The following AUH variants were observed in gnomAD, a reference collection of about 807,000 sequenced individuals.
AUH encodes the protein methylglutaconyl-CoA hydratase, mitochondrial.
In AUH, 29 loss-of-function variants were observed where a neutral mutation model predicts 42.3. The ratio of observed to expected loss-of-function variants is 0.69; its 90% CI spans 0.51 to 0.93. The LOEUF is 0.93. Among genes scored for constraint, AUH ranks in the 40% least tolerant of loss-of-function variants. AUH has a pLI of 0.00. For synonymous variants in AUH, 174 were observed against 166.4 expected (o/e 1.05, Z -0.35); for missense variants, 452 against 438.1 (o/e 1.03, Z -0.28).
intron 3 of AUH, among the ~76,000 whole-genome samples, chr9:91,355,622 A>C (rs1321674762): frequency 6.6e-6 from 1 of 152,174 alleles, no homozygotes. Flanking sequence ...ATTGTACTAC[A>C]TGTACTACAG....
chr9:91,319,743 G>T (rs1261507642), intron 4 of AUH, among the ~76,000 whole-genome samples: 2 of 152,212 alleles, frequency 1.3e-5, no homozygotes, highest in Admixed American at 6.5e-5. Context: ...GGGCTGGCAG[G>T]CCACTGCGCA....
At chr9:91,247,514 C>G (rs2131369421) in intron 6 of AUH, among the ~76,000 whole-genome samples, 2 of 152,302 alleles carry the variant, frequency 1.3e-5, no homozygotes, top group Admixed American at 1.3e-4. Context: ...CTCCCTGACA[C>G]ATGGGGCTCT....
intron 6 of AUH, among the ~76,000 whole-genome samples, chr9:91,254,926 A>G (rs1263838269): frequency 6.6e-6 from 1 of 152,194 alleles, no homozygotes; most frequent in East Asian, 1.9e-4. Flanking sequence ...AAACTAAGAG[A>G]CAATGGAATA....
At chr9:91,293,583 C>A (rs530957713) in intron 6 of AUH, among the ~76,000 whole-genome samples, 5 of 152,136 alleles carry the variant, frequency 3.3e-5, no homozygotes, top group African/African-American at 1.2e-4. Context: ...AAGTCTGAGA[C>A]AAGTGAAGAA....
intron 1 of AUH, among the ~76,000 whole-genome samples, chr9:91,359,214 C>A (rs1404693532): frequency 6.6e-6 from 1 of 152,166 alleles, no homozygotes; most frequent in African/African-American, 2.4e-5. Context: ...AAACAAAATA[C>A]GTTCTGCTTA....
At chr9:91,258,005 T>C (rs1268882762) in intron 6 of AUH, among the ~76,000 whole-genome samples, 4 of 152,250 alleles carry the variant, frequency 2.6e-5, no homozygotes, top group Non-Finnish European at 4.4e-5. Flanking sequence ...TCATGGTTTT[T>C]AATGCTATTG....
intron 1 of AUH, among the ~76,000 whole-genome samples, chr9:91,356,404 T>C (rs1024538615): frequency 4.6e-5 from 7 of 152,236 alleles, no homozygotes; most frequent in African/African-American, 1.7e-4. Flanking sequence ...AAGGATACTA[T>C]TTAAAATGTG....
At chr9:91,222,782 T>C (rs1210690131) in intron 6 of AUH, among the ~76,000 whole-genome samples, 1 of 152,210 alleles carries the variant, frequency 6.6e-6, no homozygotes. Flanking sequence ...AATGAATATA[T>C]ATTATTCATG....
intron 6 of AUH, among the ~76,000 whole-genome samples, chr9:91,252,060 C>T (rs946272276): frequency 3.3e-5 from 5 of 152,032 alleles, no homozygotes; most frequent in Admixed American, 2.0e-4. Context: ...TCCACCTCCC[C>T]GGTTCAAGTG....
At chr9:91,288,701 C>A (rs550274146) in intron 6 of AUH, among the ~76,000 whole-genome samples, 1 of 152,148 alleles carries the variant, frequency 6.6e-6, no homozygotes, top group South Asian at 2.1e-4. Context: ...TAAGGAGGTT[C>A]GATTTTGTTT....
intron 9 of AUH, 70 bp from the exon 10 acceptor site, chr9:91,214,495 TAAGAA>T: frequency 7.8e-7 from 1 of 1,287,306 alleles, no homozygotes. Context: ...AAGCACTATC[TAAGAA>T]AACTACTTAG....
At chr9:91,268,723 C>T (rs1291764274) in intron 6 of AUH, among the ~76,000 whole-genome samples, 1 of 152,180 alleles carries the variant, frequency 6.6e-6, no homozygotes, top group Non-Finnish European at 1.5e-5. Flanking sequence ...AGCCACCACG[C>T]CCGGCCCATA....
At chr9:91,282,160 T>C (rs1262614971) in intron 6 of AUH, among the ~76,000 whole-genome samples, 3 of 152,128 alleles carry the variant, frequency 2.0e-5, no homozygotes, top group Non-Finnish European at 4.4e-5. Context: ...CACACTCCCA[T>C]CTAAGGCCTC....
intron 6 of AUH, among the ~76,000 whole-genome samples, chr9:91,255,027 TC>T (rs1265610474): frequency 2.0e-5 from 3 of 152,230 alleles, no homozygotes; most frequent in Non-Finnish European, 4.4e-5. Context: ...TTTCAAACTG[TC>T]ATACCAAAGT....
intron 6 of AUH, among the ~76,000 whole-genome samples, chr9:91,260,678 A>G (rs1829662231): frequency 6.6e-6 from 1 of 152,162 alleles, no homozygotes; most frequent in Non-Finnish European, 1.5e-5. Flanking sequence ...TTTTCACTCA[A>G]TTTGGGGAAG....
In AUH at chr9:91,237,809, GA is replaced by G. The variant is rs1219033642; in HGVS notation, c.656-16818del. On this transcript the variant is annotated intron_variant, in intron 6 of 9. Transcript: ENST00000375731. ...GCTCATCTTGTACCTTTCCTCCTCA[GA>G]CCTTGATTCCTTTTAGTGGAGCTAC... Among the ~76,000 whole-genome samples the G allele has an allele frequency of 7.2e-5, 11 of 152,268 alleles. No individual in the cohort carries two copies. In the East Asian group the frequency reaches 2.1e-3, roughly 29 times the overall value.
chr9:91,288,269 C>A (rs1302217008), intron 6 of AUH, among the ~76,000 whole-genome samples: 1 of 152,066 alleles, frequency 6.6e-6, no homozygotes, highest in African/African-American at 2.4e-5. Flanking sequence ...GAGATACTGT[C>A]AAATAAAAGG....
At chr9:91,268,650 A>T (rs2131492623) in intron 6 of AUH, among the ~76,000 whole-genome samples, 1 of 152,154 alleles carries the variant, frequency 6.6e-6, no homozygotes, top group Admixed American at 6.5e-5. Flanking sequence ...GGCTGGTCTC[A>T]AACTCCTGAG....
At chr9:91,270,811 T>C (rs1230879070) in intron 6 of AUH, among the ~76,000 whole-genome samples, 1 of 152,132 alleles carries the variant, frequency 6.6e-6, no homozygotes, top group Non-Finnish European at 1.5e-5. Context: ...ATTTATCACT[T>C]TGATATAAAG....
Sources: gnomAD v4.1 joint callset for allele counts (sites outside exome capture counted in the v4.1 genomes callset) on GRCh38, gnomAD v4.1.1 for gene constraint, MANE v1.5 for transcripts, NCBI Gene and HGNC (gene_info 2026-07-23, HGNC 2026-07-21) for gene names.